Variants in GRID2 observed in about 807,000 individuals in gnomAD.
GRID2 encodes the protein glutamate ionotropic receptor delta type subunit 2.
GRID2 carries 33 observed loss-of-function variants against 114.8 expected under a neutral mutation model. The observed-to-expected ratio is 0.29, with a 90% CI of 0.22 to 0.38. The LOEUF (loss-of-function observed/expected upper bound fraction) is 0.38. GRID2 is among the 10% of genes least tolerant of loss of function. The pLI is 1.00. For synonymous variants in GRID2, 505 were observed against 449.9 expected, an observed-to-expected ratio of 1.12 and a Z score of -1.55; for missense variants, 1,184 against 1,257.7, an observed-to-expected ratio of 0.94 and a Z score of 0.89.
chr4:92,921,734 G>A (rs979435818), intron 2 of GRID2, among the ~76,000 whole-genome samples: 45 of 152,274 alleles, frequency 3.0e-4, no homozygotes, highest in Non-Finnish European at 5.3e-4. Flanking sequence ...GTACCTGGCC[G>A]TGTGAGGTGT....
chr4:92,659,509 T>A lies in GRID2; in HGVS notation c.244+69223T>A, dbSNP rs532710342. Among the ~76,000 whole-genome samples the A allele has an allele frequency of 5.3e-5, 8 of 151,682 alleles. No homozygotes were observed. In the South Asian group the frequency reaches 1.7e-3, roughly 31 times the overall value. ...CAAAGATAATTTTATTTAAGTGCAC[T>A]CACTTCAAGATTGTTGCATGAAATG... On this transcript the variant is annotated intron_variant, in intron 2 of 15. Coordinates refer to ENST00000282020, the MANE Select transcript of GRID2 (RefSeq NM_001510.4).
intron 4 of GRID2, among the ~76,000 whole-genome samples, chr4:93,132,071 T>TA (rs1379106453): frequency 1.3e-5 from 2 of 152,124 alleles, no homozygotes; most frequent in Non-Finnish European, 2.9e-5. Context: ...AAATTATAAG[T>TA]ATAATTTAAA....
intron 1 of GRID2, among the ~76,000 whole-genome samples, chr4:92,367,062 T>C (rs1728904427): frequency 1.3e-5 from 2 of 152,232 alleles, no homozygotes; most frequent in African/African-American, 4.8e-5. Context: ...GCCATTAATT[T>C]TGTAGAATGT....
chr4:92,748,883 C>T (rs946161222), intron 2 of GRID2, among the ~76,000 whole-genome samples: 15 of 151,856 alleles, frequency 9.9e-5, no homozygotes, highest in Non-Finnish European at 1.5e-4. Flanking sequence ...AGGCAGGTCT[C>T]GAACTCCTGA....
intron 10 of GRID2, 125 bp from the exon 11 acceptor site, chr4:93,455,537 G>A (rs1000260845): frequency 1.3e-5 from 8 of 635,452 alleles, no homozygotes; most frequent in Middle Eastern, 2.5e-4. Flanking sequence ...CAGTGTTTCA[G>A]TTTATATAAA....
chr4:92,875,459 C>T (rs576439392), intron 2 of GRID2, among the ~76,000 whole-genome samples: 4 of 152,178 alleles, frequency 2.6e-5, no homozygotes, highest in Admixed American at 1.3e-4. Flanking sequence ...CCACGTCGCC[C>T]GGCCAAAAGT....
intron 8 of GRID2, among the ~76,000 whole-genome samples, chr4:93,269,258 C>T (rs531489447): frequency 2.0e-5 from 3 of 152,090 alleles, no homozygotes; most frequent in African/African-American, 7.2e-5. Context: ...TTTCCCACCC[C>T]AAATTAATAA....
chr4:92,549,282 G>C (rs1313141055), intron 1 of GRID2, among the ~76,000 whole-genome samples: 1 of 152,038 alleles, frequency 6.6e-6, no homozygotes, highest in Non-Finnish European at 1.5e-5. Flanking sequence ...GGAAACTGAG[G>C]CTCAGTAAAA....
chr4:92,335,981 C>CA (rs1464084360), intron 1 of GRID2, among the ~76,000 whole-genome samples: 2 of 151,898 alleles, frequency 1.3e-5, no homozygotes, highest in African/African-American at 2.4e-5. Context: ...CTTACAAATG[C>CA]AAAAAAATTA....
In GRID2 at chr4:93,066,691, C is replaced by G. The variant is rs76923171; in HGVS notation, c.245-18304C>G. On this transcript the variant is annotated intron_variant, in intron 2 of 15. Transcript: ENST00000282020. ...TACTTTTTCTTATCATAGATCTTAGCAACCTAAGCATATGATTTTTTTTCA... is the reference window on the plus strand; with the variant it reads ...TACTTTTTCTTATCATAGATCTTAGGAACCTAAGCATATGATTTTTTTTCA... 3.8e-4 allele frequency among the ~76,000 whole-genome samples: 57 copies of G among 151,966 alleles called. 2 individuals carry two copies. In the East Asian group the frequency reaches 0.011, roughly 28 times the overall value.
chr4:92,653,488 T>C (rs1178528132), intron 2 of GRID2, among the ~76,000 whole-genome samples: 1 of 152,014 alleles, frequency 6.6e-6, no homozygotes, highest in Non-Finnish European at 1.5e-5. Flanking sequence ...TTTCTACTTT[T>C]GTTCATCGTC....
chr4:93,766,443 A>AC (rs1476277862), intron 14 of GRID2, among the ~76,000 whole-genome samples: 5 of 151,926 alleles, frequency 3.3e-5, no homozygotes, highest in Admixed American at 3.3e-4. Flanking sequence ...GAGGGAAACC[A>AC]CCCCCATGAT....
chr4:93,655,353 T>C (rs1280991711), intron 14 of GRID2, among the ~76,000 whole-genome samples: 1 of 152,224 alleles, frequency 6.6e-6, no homozygotes, highest in Non-Finnish European at 1.5e-5. Flanking sequence ...TATATAACTT[T>C]ATGAATTTGC....
chr4:92,600,750 C>T (rs1579659623), intron 2 of GRID2, among the ~76,000 whole-genome samples: 1 of 152,222 alleles, frequency 6.6e-6, no homozygotes, highest in African/African-American at 2.4e-5. Flanking sequence ...AGATGGCTGC[C>T]TGCTCCTTCC....
intron 13 of GRID2, among the ~76,000 whole-genome samples, chr4:93,522,184 G>A (rs1730403456): frequency 6.6e-6 from 1 of 152,088 alleles, no homozygotes; most frequent in African/African-American, 2.4e-5. Context: ...TAGAAGATGT[G>A]GTGGTGGGAG....
intron 11 of GRID2, among the ~76,000 whole-genome samples, chr4:93,476,330 G>C (rs967557244): frequency 6.6e-6 from 1 of 152,100 alleles, no homozygotes; most frequent in Non-Finnish European, 1.5e-5. Context: ...ACACAGGGAT[G>C]ATATATAAAT....
intron 2 of GRID2, among the ~76,000 whole-genome samples, chr4:92,945,698 G>A (rs1025311126): frequency 3.3e-5 from 5 of 152,100 alleles, no homozygotes; most frequent in Non-Finnish European, 7.4e-5. Flanking sequence ...AATAACTTTT[G>A]TTTTGTTTTG....
At chr4:93,195,709 T>C (rs973063338) in intron 4 of GRID2, among the ~76,000 whole-genome samples, 3 of 152,114 alleles carry the variant, frequency 2.0e-5, no homozygotes, top group African/African-American at 7.2e-5. Flanking sequence ...AGCCATGAAT[T>C]TGCAATAACA....
chr4:92,804,077 C>A (rs971863054), intron 2 of GRID2, among the ~76,000 whole-genome samples: 2 of 151,910 alleles, frequency 1.3e-5, no homozygotes, highest in African/African-American at 4.8e-5. Context: ...ACATCGTATT[C>A]TTTTTGTGTG....
Sources: gnomAD v4.1 joint callset for allele counts (sites outside exome capture counted in the v4.1 genomes callset) on GRCh38, gnomAD v4.1.1 for gene constraint, MANE v1.5 for transcripts, NCBI Gene and HGNC (gene_info 2026-07-23, HGNC 2026-07-21) for gene names.